DNAH2: variants seen among roughly 807,000 people sequenced by gnomAD.
DNAH2 encodes axonemal beta dynein heavy chain 2.
In DNAH2, 323 loss-of-function variants were observed where a neutral mutation model predicts 523.5. The observed-to-expected ratio is 0.62, with a 90% CI of 0.56 to 0.68. DNAH2 has a LOEUF of 0.68. Among genes scored for constraint, DNAH2 ranks in the 30% least tolerant of loss-of-function variants. DNAH2 has a pLI of 0.00. For synonymous variants in DNAH2, 2,093 were observed against 2,177.4 expected (o/e 0.96, Z 1.08); for missense variants, 4,907 against 5,701.5 (o/e 0.86, Z 4.49).
intron 77 of DNAH2, among the ~76,000 whole-genome samples, chr17:7,826,535 C>CTTTTTTTTTT (rs35943055): frequency 3.6e-5 from 4 of 111,228 alleles, no homozygotes; most frequent in Non-Finnish European, 5.3e-5. Flanking sequence ...TGCCCATCAT[C>CTTTTTTTTTT]TTTTTTTTTT....
At chr17:7,738,355 A>G (rs982506135) in intron 8 of DNAH2, among the ~76,000 whole-genome samples, 7 of 151,640 alleles carry the variant, frequency 4.6e-5, no homozygotes, top group African/African-American at 1.7e-4. Context: ...TTTGAGACAG[A>G]GTCTTGGTCT....
rs750702073 is a variant in DNAH2 at position 7,796,553 on chromosome 17, G to T, written c.7764G>T (p.Val2588=). 21 of 1,613,502 alleles carry T rather than the reference G, an allele frequency of 1.3e-5. No homozygotes were observed. The highest frequency in any genetic ancestry group is 1.8e-5 in the Non-Finnish European group (21 of 1,179,956). Residue 2588 remains valine, a synonymous_variant, in exon 50 of 86, where the codon GTG becomes GTT. Transcript: ENST00000572933. ...EEEVKPIGNV[V]TEATLDMYNT... is the part of the protein sequence containing the mutation. Reference sequence around the variant, plus strand: ...AGGTGAAGCCCATTGGGAACGTGGTGACAGAGGCCACCCTGGACATGTACA... The same window carrying T: ...AGGTGAAGCCCATTGGGAACGTGGTTACAGAGGCCACCCTGGACATGTACA...
intron 72 of DNAH2, among the ~76,000 whole-genome samples, chr17:7,820,053 C>G (rs939549300): frequency 1.3e-5 from 2 of 152,182 alleles, no homozygotes; most frequent in Non-Finnish European, 2.9e-5. Context: ...AAGGGATCCT[C>G]CTGCCATGGT....
intron 67 of DNAH2, 27 bp downstream of exon 67, chr17:7,817,883 C>CT: frequency 1.3e-6 from 2 of 1,573,972 alleles, no homozygotes; most frequent in Non-Finnish European, 1.7e-6. Context: ...TCAGGTTAGC[C>CT]CCCCCCTTCC....
chr17:7,775,400 C>T (rs2076421604), intron 30 of DNAH2, 58 bp downstream of exon 30: 1 of 1,531,470 alleles, frequency 6.5e-7, no homozygotes, highest in Non-Finnish European at 8.9e-7. Flanking sequence ...AGAAAGTTCA[C>T]CTGGGTCGGG....
intron 5 of DNAH2, among the ~76,000 whole-genome samples, chr17:7,733,678 C>A (rs545687204): frequency 1.3e-5 from 2 of 152,082 alleles, no homozygotes; most frequent in Non-Finnish European, 2.9e-5. Flanking sequence ...GGGGTTTCAC[C>A]ATGTTGGCCA....
intron 12 of DNAH2, among the ~76,000 whole-genome samples, chr17:7,749,311 A>C (rs1567636722): frequency 1.2e-4 from 9 of 75,970 alleles, no homozygotes; most frequent in African/African-American, 5.4e-4. Context: ...TCCCCCCCAA[A>C]AAAAAAAAAA....
At chr17:7,757,408 C>T (rs2075875728) in intron 13 of DNAH2, among the ~76,000 whole-genome samples, 171 bp downstream of exon 13, 2 of 152,042 alleles carry the variant, frequency 1.3e-5, no homozygotes, top group African/African-American at 4.8e-5. Context: ...TTATTCCTAC[C>T]CCTTGTAGTT....
chr17:7,766,247 A>C, intron 21 of DNAH2, 71 bp from the exon 22 acceptor site: 1 of 1,534,906 alleles, frequency 6.5e-7, no homozygotes, highest in Admixed American at 1.8e-5. Context: ...GCCCACAAAG[A>C]GATAGGAGAG....
At chr17:7,815,188 T>C (rs2077625417) in intron 63 of DNAH2, among the ~76,000 whole-genome samples, 1 of 152,226 alleles carries the variant, frequency 6.6e-6, no homozygotes, top group East Asian at 1.9e-4. Flanking sequence ...CAGGTAGTGC[T>C]TGCTTGCTGT....
chr17:7,753,066 C>T (rs569281444), intron 12 of DNAH2, among the ~76,000 whole-genome samples: 12 of 152,302 alleles, frequency 7.9e-5, no homozygotes, highest in East Asian at 7.7e-4. Flanking sequence ...CATTTATCAT[C>T]ACACTTGAGC....
chr17:7,804,444 G>T lies in DNAH2; in HGVS notation c.9161G>T (p.Arg3054Leu). 6.2e-7 allele frequency: 1 copy of T among 1,613,806 alleles called. No homozygotes were observed. Among genetic ancestry groups the T allele is most frequent in the South Asian group, 1.1e-5 (1 of 91,050 alleles). The change falls in exon 59 of 86, where the codon CGG becomes CTG. Residue 3054 changes from arginine (R) to leucine (L), a missense_variant. Physicochemically the swap from Arg to Leu is moderately radical, Grantham distance 102. This residue lies in a region of DNAH2 where 1,851 missense variants were observed against 2,139.4 expected (regional missense o/e 0.87). Transcript: ENST00000572933. ...EYLVIIVQQK[R>L]EADEQQKAVT... The stretch of plus-strand genomic sequence containing the variant: ...CTGGTCATCATTGTGCAGCAGAAGC[G>T]GGAGGCAGATGAGCAGCAGAAGGTC...
At chr17:7,733,823 T>C (rs2075063340) in intron 5 of DNAH2, among the ~76,000 whole-genome samples, 1 of 152,130 alleles carries the variant, frequency 6.6e-6, no homozygotes, top group Non-Finnish European at 1.5e-5. Flanking sequence ...GTGGAACTTG[T>C]TGGCCAGACC....
chr17:7,741,955 G>T (rs922232089), intron 11 of DNAH2, among the ~76,000 whole-genome samples: 1 of 152,004 alleles, frequency 6.6e-6, no homozygotes, highest in South Asian at 2.1e-4. Flanking sequence ...GAGCCACTGC[G>T]CCCGGCCTCA....
rs74958852 is a variant in DNAH2, at chr17:7,783,680, C to T, written c.6130-2444C>T. Among the ~76,000 whole-genome samples, 31 of 151,812 alleles carry T rather than the reference C, an allele frequency of 2.0e-4. No individual in the cohort carries two copies. In the East Asian group the frequency reaches 5.8e-3, roughly 29 times the overall value. On this transcript the variant is annotated intron_variant, in intron 39 of 85. Coordinates refer to ENST00000572933, the MANE Select transcript of DNAH2 (RefSeq NM_020877.5). Reference sequence around the variant, plus strand: ...AGGTGTAATGGCTCATGCTTGTAGTCTCAGCTATTGGGAGGGCTGAGGCAG... The same window carrying T: ...AGGTGTAATGGCTCATGCTTGTAGTTTCAGCTATTGGGAGGGCTGAGGCAG...
At position 7,831,174 on chromosome 17, in the gene DNAH2, C is replaced by A; in HGVS notation, c.12319C>A (p.Pro4107Thr). Residue 4107 changes from proline to threonine, a missense_variant, in exon 80 of 86, where the codon CCC (proline) becomes ACC (threonine). Transcript: ENST00000572933. The surrounding 1 kb of genome is among the most constrained non-coding windows in gnomAD (Gnocchi z 4.2). ...CATCAGCTTATTGCCTGGCATGGAC[C>A]CCCCTGAGGCCTTTGGCCAGCACCC... ...EYISLLPGMD[P>T]PEAFGQHPNA... The A allele has an allele frequency of 6.2e-7, 1 of 1,614,140 alleles. No individual in the cohort carries two copies. The highest frequency in any genetic ancestry group is 8.5e-7 in the Non-Finnish European group (1 of 1,180,020).
At chr17:7,797,908 A>G in intron 53 of DNAH2, 79 bp downstream of exon 53, 1 of 1,516,832 alleles carries the variant, frequency 6.6e-7, no homozygotes. Flanking sequence ...GTCCCTTCCC[A>G]GGTCTCCCAA....
chr17:7,807,355 G>C lies in DNAH2; in HGVS notation c.9612+36G>C, dbSNP rs2077394511. 6.2e-6 allele frequency: 10 copies of C among 1,604,568 alleles called. No homozygotes were observed. Among genetic ancestry groups the C allele is most frequent in the Middle Eastern group, 1.8e-4 (1 of 5,544 alleles). On this transcript the variant is annotated intron_variant, in intron 62 of 85. Coordinates refer to ENST00000572933, the MANE Select transcript of DNAH2 (RefSeq NM_020877.5). The surrounding 1 kb of genome is among the most constrained non-coding windows in gnomAD (Gnocchi z 5.6). ...CAGGGCTGGGGCGGGGCGGTAGGGAGGGCAGGCCTGGGGGAGTGCGGATGC... is the reference window on the plus strand; with the variant it reads ...CAGGGCTGGGGCGGGGCGGTAGGGACGGCAGGCCTGGGGGAGTGCGGATGC...
In DNAH2 at chr17:7,754,871, C is replaced by T. The variant is rs2075792117; in HGVS notation, c.1905-2220C>T. On this transcript the variant is annotated intron_variant, in intron 12 of 85. Transcript: ENST00000572933. This position sits in a 1 kb window ranked among gnomAD's most constrained non-coding sequence, Gnocchi z 4.6. ...CAGAGTAGATATCTCTGTCTGCCAA[C>T]GTGAGGACAGAAGGACAGGTGCCAC... 5 of 632,148 alleles carry T rather than the reference C, an allele frequency of 7.9e-6. No homozygotes were observed. Among genetic ancestry groups the T allele is most frequent in the Admixed American group, 2.5e-5 (1 of 40,602 alleles). The allele number at this position is 632,148 out of a possible 1,614,324, so 39.2% of individuals were successfully genotyped here.
Sources: allele counts gnomAD v4.1 joint callset (sites outside exome capture counted in the v4.1 genomes callset), GRCh38; gene constraint gnomAD v4.1.1; regional missense constraint gnomAD v4.1.1; non-coding constraint Gnocchi (gnomAD v3.1); transcripts MANE v1.5; gene names NCBI Gene and HGNC (gene_info 2026-07-23, HGNC 2026-07-21).